Variants in CCNY observed in about 807,000 individuals in gnomAD.
CCNY encodes cyclin Y, also known as cyclin-Y.
Under a neutral mutation model 42.8 loss-of-function variants are expected in CCNY, and 19 were observed. The ratio of observed to expected loss-of-function variants is 0.44; its 90% CI spans 0.31 to 0.65. The LOEUF (loss-of-function observed/expected upper bound fraction) is 0.65, where lower values mean the gene tolerates loss of function less well. Ranked by LOEUF, CCNY falls within the 30% of genes least tolerant of loss-of-function variation. The pLI, the probability that CCNY is intolerant of heterozygous loss-of-function variation, is 0.07. For synonymous variants in CCNY, 165 were observed against 162.7 expected, an observed-to-expected ratio of 1.01 and a Z score of -0.11; for missense variants, 370 against 437.3, an observed-to-expected ratio of 0.85 and a Z score of 1.37.
chr10:35,562,923 A>G (rs1246836249), intron 8 of CCNY, among the ~76,000 whole-genome samples: 1 of 151,208 alleles, frequency 6.6e-6, no homozygotes, highest in Non-Finnish European at 1.5e-5. Flanking sequence ...AATTGTACCA[A>G]ATTGGGTTTT....
intron 3 of CCNY, among the ~76,000 whole-genome samples, chr10:35,515,993 A>G (rs1180543848): frequency 1.3e-5 from 2 of 152,216 alleles, no homozygotes; most frequent in African/African-American, 2.4e-5. Context: ...TAACAAAGCA[A>G]TATTTTTTCA....
At chr10:35,302,605 C>T (rs1488060153) in intron 3 of CCNY, among the ~76,000 whole-genome samples, 2 of 152,154 alleles carry the variant, frequency 1.3e-5, no homozygotes, top group Non-Finnish European at 2.9e-5. Context: ...GCCACTGCGC[C>T]CGCCCCGACA....
chr10:35,562,156 G>T (rs1188441070), intron 8 of CCNY, among the ~76,000 whole-genome samples: 1 of 152,160 alleles, frequency 6.6e-6, no homozygotes, highest in African/African-American at 2.4e-5. Context: ...CACTGTTCCC[G>T]TAAATGTCAT....
intron 1 of CCNY, among the ~76,000 whole-genome samples, chr10:35,407,600 C>T (rs1275525202): frequency 6.6e-6 from 1 of 151,976 alleles, no homozygotes; most frequent in Admixed American, 6.5e-5. Context: ...GAACCACTGT[C>T]GAGTTTGTAT....
intron 3 of CCNY, among the ~76,000 whole-genome samples, chr10:35,315,627 C>T (rs1176771284): frequency 6.6e-6 from 1 of 152,044 alleles, no homozygotes; most frequent in Non-Finnish European, 1.5e-5. Flanking sequence ...GGGTATATAC[C>T]CAGTAATGGG....
chr10:35,406,630 T>C (rs566626023), intron 1 of CCNY, among the ~76,000 whole-genome samples: 7 of 152,322 alleles, frequency 4.6e-5, no homozygotes, highest in African/African-American at 1.7e-4. Context: ...TGTCTACCTC[T>C]TTCTACACAG....
At chr10:35,388,577 T>G (rs1327447966) in intron 1 of CCNY, among the ~76,000 whole-genome samples, 1 of 152,250 alleles carries the variant, frequency 6.6e-6, no homozygotes, top group Non-Finnish European at 1.5e-5. Context: ...GCTGATGGAA[T>G]GAGTATTCTC....
intron 1 of CCNY, among the ~76,000 whole-genome samples, chr10:35,381,213 T>C (rs761813441): frequency 7.9e-5 from 12 of 152,238 alleles, no homozygotes; most frequent in Non-Finnish European, 1.8e-4. Context: ...TATTGAGTTT[T>C]AATAATAGAT....
intron 3 of CCNY, among the ~76,000 whole-genome samples, chr10:35,256,054 T>C (rs1234912881): frequency 1.3e-5 from 2 of 152,220 alleles, no homozygotes; most frequent in Non-Finnish European, 2.9e-5. Flanking sequence ...GAATATCTTT[T>C]TCCATTTTTT....
At chr10:35,253,671 A>G (rs1031105889) in intron 3 of CCNY, among the ~76,000 whole-genome samples, 5 of 151,664 alleles carry the variant, frequency 3.3e-5, no homozygotes, top group African/African-American at 9.7e-5. Context: ...TCTCAATTAT[A>G]TTTATTCCAT....
At chr10:35,315,560 G>A (rs916425017) in intron 3 of CCNY, 3 of 152,218 alleles carry the variant, frequency 2.0e-5, no homozygotes, top group African/African-American at 7.2e-5. Context: ...TATAAAGAGT[G>A]CTGCAATGAA....
At chr10:35,399,666 A>G (rs1412015959) in intron 1 of CCNY, among the ~76,000 whole-genome samples, 2 of 152,168 alleles carry the variant, frequency 1.3e-5, no homozygotes, top group Non-Finnish European at 2.9e-5. Context: ...ACATAACGAG[A>G]GTCTGTCTCT....
intron 1 of CCNY, among the ~76,000 whole-genome samples, chr10:35,480,737 C>T (rs1268282144): frequency 6.6e-6 from 1 of 152,144 alleles, no homozygotes; most frequent in Non-Finnish European, 1.5e-5. Flanking sequence ...GAGGCTGAAG[C>T]AGGAGGATCA....
At chr10:35,476,484 C>T (rs1839512957) in intron 1 of CCNY, among the ~76,000 whole-genome samples, 1 of 152,206 alleles carries the variant, frequency 6.6e-6, no homozygotes, top group South Asian at 2.1e-4. Flanking sequence ...AAGAATCTCA[C>T]TCAGAACTGT....
intron 3 of CCNY, among the ~76,000 whole-genome samples, chr10:35,292,781 GT>G (rs71033391): frequency 8.1e-4 from 88 of 108,796 alleles, no homozygotes; most frequent in East Asian, 2.6e-3. Context: ...CTTTGTTTTT[GT>G]TTTTTTTTTT....
intron 1 of CCNY, among the ~76,000 whole-genome samples, chr10:35,482,427 C>T (rs1297328038): frequency 1.3e-5 from 2 of 152,140 alleles, no homozygotes; most frequent in African/African-American, 2.4e-5. Context: ...TGCTTATTTT[C>T]TATGGAATCA....
intron 1 of CCNY, among the ~76,000 whole-genome samples, chr10:35,442,689 G>A (rs2087319753): frequency 6.6e-6 from 1 of 152,142 alleles, no homozygotes. Flanking sequence ...AATGAATTTG[G>A]GAGTATGAAT....
chr10:35,529,777 G>C (rs1029866142), intron 5 of CCNY, among the ~76,000 whole-genome samples, 196 bp from the exon 6 acceptor site: 1 of 151,854 alleles, frequency 6.6e-6, no homozygotes, highest in African/African-American at 2.4e-5. Context: ...GGCTGAAGCA[G>C]GAGAATCACT....
rs531569053 is a variant in CCNY, at chr10:35,380,479, T to C, written c.154+43272T>C. On this transcript the variant is annotated intron_variant, in intron 1 of 9. Coordinates refer to ENST00000374704, the MANE Select transcript of CCNY (RefSeq NM_145012.6). The stretch of plus-strand genomic sequence containing the variant: ...GTGTTGTATTTAAGGAACCTGATAA[T>C]AACTAACTTCAAACATTTATTTCAG... Among the ~76,000 whole-genome samples the C allele has an allele frequency of 3.9e-5, 6 of 152,310 alleles. No homozygotes were observed. The East Asian group carries it at 5.8e-4, about 15-fold the overall frequency.
Sources: allele counts gnomAD v4.1 joint callset (sites outside exome capture counted in the v4.1 genomes callset), GRCh38; gene constraint gnomAD v4.1.1; transcripts MANE v1.5; gene names NCBI Gene and HGNC (gene_info 2026-07-23, HGNC 2026-07-21).